CEP170B: variants seen among roughly 807,000 people sequenced by gnomAD.
CEP170B encodes the protein centrosomal protein of 170 kDa protein B.
Under a neutral mutation model 120.6 loss-of-function variants are expected in CEP170B, and 55 were observed. That is an observed-to-expected ratio of 0.46 (90% CI 0.37 to 0.57). The LOEUF (loss-of-function observed/expected upper bound fraction) is 0.57. Among genes scored for constraint, CEP170B ranks in the 20% least tolerant of loss-of-function variants. The pLI is 0.00. For missense variants in CEP170B, 2,212 were observed against 2,253.3 expected, an observed-to-expected ratio of 0.98 and a Z score of 0.37; for synonymous variants, 1,033 against 954.5, an observed-to-expected ratio of 1.08 and a Z score of -1.52.
rs753334052 is a variant in CEP170B at position 104,886,785 on chromosome 14, G to A, written c.2546G>A (p.Arg849Gln). 26 of 1,611,472 alleles carry A rather than the reference G, an allele frequency of 1.6e-5. No individual in the cohort carries two copies. The highest frequency in any genetic ancestry group is 1.6e-4 in the Middle Eastern group (1 of 6,080). Residue 849 changes from arginine (R) to glutamine (Q), a missense_variant, in exon 12 of 19, where the codon CGG becomes CAG. Arg to Gln is a conservative substitution (Grantham distance 43). Transcript: ENST00000414716. ...AATGGGAGAATGGTCATCCAGCTACGGCCTGGACGGTCCCCAGAACCCGAC... is the reference window on the plus strand; with the variant it reads ...AATGGGAGAATGGTCATCCAGCTACAGCCTGGACGGTCCCCAGAACCCGAC... ...SANGRMVIQL[R>Q]PGRSPEPDGP...
At position 104,868,583 on chromosome 14, in the gene CEP170B, G is replaced by C; in HGVS notation, c.105+28G>C. 20 of 1,538,086 alleles carry C rather than the reference G, an allele frequency of 1.3e-5. No individual in the cohort carries two copies. The highest frequency in any genetic ancestry group is 1.7e-5 in the Non-Finnish European group (19 of 1,139,542). On this transcript the variant is annotated intron_variant, in intron 2 of 18. Coordinates refer to ENST00000414716, the MANE Select transcript of CEP170B (RefSeq NM_001112726.3). This position sits in a 1 kb window ranked among gnomAD's most constrained non-coding sequence, Gnocchi z 5.9. ...TTGCAGGGAGCGCTTGGGGCCAGGA[G>C]GGTAGGGGGTAGACAGTCTGTCCCT...
At chr14:104,879,501 G>T (rs751452897) in intron 5 of CEP170B, among the ~76,000 whole-genome samples, 1 of 152,118 alleles carries the variant, frequency 6.6e-6, no homozygotes, top group Non-Finnish European at 1.5e-5. Context: ...GTTTATAAGG[G>T]TTTTACGCTG....
At position 104,876,267 on chromosome 14, in the gene CEP170B, G is replaced by C; in HGVS notation, c.117G>C (p.Val39=). The stretch of plus-strand genomic sequence containing the variant: ...GTGTGTCTCTCCAGTCCCGCAGCGT[G>C]GACAAGCAGCATGCCGTCATCAACT... The part of the protein sequence containing the change: ...ECELMLQSRS[V]DKQHAVINYD... Residue 39 remains valine (V), a synonymous_variant, in exon 3 of 19, where the codon GTG becomes GTC. Coordinates refer to ENST00000414716, the MANE Select transcript of CEP170B (RefSeq NM_001112726.3). 2.6e-6 allele frequency: 4 copies of C among 1,550,800 alleles called. No individual in the cohort carries two copies. Among genetic ancestry groups the C allele is most frequent in the Non-Finnish European group, 3.5e-6 (4 of 1,146,808 alleles).
rs961527365 is a variant in CEP170B at position 104,889,747 on chromosome 14, G to A, written c.3867G>A (p.Ala1289=). The part of the protein sequence containing the change: ...YGFIVQTAEI[A]EIARLSQTLV... ...TCATCGTGCAGACGGCAGAGATTGC[G>A]GAGATTGCCAGGTGAGTAGCCCATT... Residue 1289 remains alanine, a synonymous_variant, in exon 13 of 19, where the codon GCG becomes GCA. Coordinates refer to ENST00000414716, the MANE Select transcript of CEP170B (RefSeq NM_001112726.3). 15 of 1,602,530 alleles carry A rather than the reference G, an allele frequency of 9.4e-6. No homozygotes were observed. Among genetic ancestry groups the A allele is most frequent in the East Asian group, 6.8e-5 (3 of 44,442 alleles).
At position 104,887,726 on chromosome 14, in the gene CEP170B, A is replaced by C. The variant is rs1049051149; in HGVS notation, c.3487A>C (p.Lys1163Gln). ...CCGGCCAGCTGCTGAGCAGGCCAAG[A>C]AGCTGTCACGCCTGGACATCCTGGC... The part of the protein sequence containing the change: ...VGRPAAEQAK[K>Q]LSRLDILAMP... Residue 1163 changes from lysine (K) to glutamine (Q), a missense_variant, in exon 12 of 19, where the codon AAG (lysine) becomes CAG (glutamine). This residue lies in a region of CEP170B where 2,166 missense variants were observed against 2,166.7 expected (regional missense o/e 1.00). Coordinates refer to ENST00000414716, the MANE Select transcript of CEP170B (RefSeq NM_001112726.3). The C allele has an allele frequency of 6.3e-7, 1 of 1,586,542 alleles. No homozygotes were observed. The highest frequency in any genetic ancestry group is 8.6e-7 in the Non-Finnish European group (1 of 1,168,378).
rs780436776 is a variant in CEP170B at position 104,887,595 on chromosome 14, G to A, written c.3356G>A (p.Arg1119His). The A allele has an allele frequency of 1.8e-5, 28 of 1,585,072 alleles. No individual in the cohort carries two copies. Among genetic ancestry groups the A allele is most frequent in the African/African-American group, 9.4e-5 (7 of 74,372 alleles). ...LTRSNSLSTP[R>H]PTRASRLRRA... The stretch of plus-strand genomic sequence containing the variant: ...CGCTCCAACAGCCTGTCCACCCCTC[G>A]CCCCACACGGGCCTCCCGGCTGAGG... Residue 1119 changes from arginine to histidine, a missense_variant, in exon 12 of 19, where the codon CGC becomes CAC. By Grantham distance (29) the Arg-to-His change is conservative. Coordinates refer to ENST00000414716, the MANE Select transcript of CEP170B (RefSeq NM_001112726.3).
intron 5 of CEP170B, among the ~76,000 whole-genome samples, chr14:104,878,960 G>A (rs1420294559): frequency 1.3e-5 from 2 of 152,208 alleles, no homozygotes; most frequent in Non-Finnish European, 2.9e-5. Flanking sequence ...GCAGGAGAGT[G>A]CAGCGGGGCT....
rs747411967 is a variant in CEP170B at position 104,887,603 on chromosome 14, C to A, written c.3364C>A (p.Arg1122=). 2 of 1,582,210 alleles carry A rather than the reference C, an allele frequency of 1.3e-6. No individual in the cohort carries two copies. The highest frequency in any genetic ancestry group is 1.7e-6 in the Non-Finnish European group (2 of 1,165,658). The part of the protein sequence containing the change: ...SNSLSTPRPT[R]ASRLRRARLG... ...CAGCCTGTCCACCCCTCGCCCCACA[C>A]GGGCCTCCCGGCTGAGGCGGGCCCG... The change falls in exon 12 of 19, where the codon CGG becomes AGG. Residue 1122 remains arginine, a synonymous_variant. Transcript: ENST00000414716.
Position 104,891,673 on chromosome 14 carries a change from C to T in CEP170B, c.3879-1303C>T, listed in dbSNP as rs189535310. The stretch of plus-strand genomic sequence containing the variant: ...CACCTGGCTGAGAAGGGGGTGGGTG[C>T]TTCCAGGCCTGAGAGCAGAAGGGGA... On this transcript the variant is annotated intron_variant, in intron 13 of 18. Transcript: ENST00000414716. The surrounding 1 kb of genome is among the most constrained non-coding windows in gnomAD (Gnocchi z 4.3). Among the ~76,000 whole-genome samples the T allele has an allele frequency of 2.0e-3, 301 of 152,100 alleles. 1 individual carries two copies. The highest frequency in any genetic ancestry group is 7.0e-3 in the African/African-American group (292 of 41,472).
At chr14:104,880,657 C>T (rs987205810) in intron 6 of CEP170B, among the ~76,000 whole-genome samples, 1 of 151,884 alleles carries the variant, frequency 6.6e-6, no homozygotes, top group East Asian at 1.9e-4. Context: ...CCCGTGCATG[C>T]CTGCACCCCT....
chr14:104,877,973 C>A lies in CEP170B; in HGVS notation c.274+10C>A, dbSNP rs1332745684. The A allele has an allele frequency of 6.3e-7, 1 of 1,598,616 alleles. No individual in the cohort carries two copies. The highest frequency in any genetic ancestry group is 1.1e-5 in the South Asian group (1 of 88,744). ...ATCCGCTTCGGCTACGATATCCTGCCCCTGAGCGTCCCTCCTCCTGGGCTT... is the reference window on the plus strand; with the variant it reads ...ATCCGCTTCGGCTACGATATCCTGCACCTGAGCGTCCCTCCTCCTGGGCTT... On this transcript the variant is annotated intron_variant, in intron 4 of 18. Transcript: ENST00000414716.
chr14:104,886,645 G>A lies in CEP170B; in HGVS notation c.2406G>A (p.Gln802=). The A allele has an allele frequency of 6.5e-7, 1 of 1,529,746 alleles. No individual in the cohort carries two copies. The highest frequency in any genetic ancestry group is 8.8e-7 in the Non-Finnish European group (1 of 1,141,046). 94.8% of individuals were successfully genotyped at this position (1,529,746 alleles called of 1,614,324 possible). A position where few individuals can be genotyped will look rare whatever the true frequency, so the allele number is the denominator to read the frequency against. The change falls in exon 12 of 19, where the codon CAG becomes CAA. Residue 802 remains glutamine (Q), a synonymous_variant. Transcript: ENST00000414716. ...PTPASFFIGD[Q]NGDAVLSRKP... is the part of the protein sequence containing the mutation. ...CCGCCTCTTTCTTCATTGGGGACCA[G>A]AATGGGGACGCTGTGTTATCTAGGA... is the stretch of plus-strand genomic sequence containing the variant.
intron 5 of CEP170B, 44 bp downstream of exon 5, chr14:104,878,545 G>GC: frequency 6.3e-7 from 1 of 1,589,054 alleles, no homozygotes. Context: ...CGAGGGCTCA[G>GC]CCCCCCATCC....
Position 104,887,672 on chromosome 14 carries a change from G to A in CEP170B, c.3433G>A (p.Gly1145Arg). ...CACTGAGGCTGCGGATGGTGAGCGG[G>A]GGTCCCTGGGCAACCCTGAGCCCGT... ...SDTEAADGER[G>R]SLGNPEPVGR... The change falls in exon 12 of 19, where the codon GGG (glycine) becomes AGG (arginine). Residue 1145 changes from glycine (G) to arginine (R), a missense_variant. Physicochemically the swap from Gly to Arg is moderately radical, Grantham distance 125 (BLOSUM62 -2). Around this residue, in one of 2 missense-constraint regions of CEP170B, gnomAD observed 2,166 missense variants for 2,166.7 expected, o/e 1.00. Transcript: ENST00000414716. The A allele has an allele frequency of 6.4e-7, 1 of 1,573,620 alleles. No homozygotes were observed. The highest frequency in any genetic ancestry group is 8.6e-7 in the Non-Finnish European group (1 of 1,162,056).
At chr14:104,881,980 C>T (rs1896181201) in intron 6 of CEP170B, among the ~76,000 whole-genome samples, 3 of 152,086 alleles carry the variant, frequency 2.0e-5, no homozygotes, top group African/African-American at 7.2e-5. Context: ...GGGGCCATGA[C>T]GCAGAGGCCC....
In CEP170B at chr14:104,883,484, C is replaced by G; in HGVS notation, c.1027C>G (p.Pro343Ala). The G allele has an allele frequency of 6.4e-7, 1 of 1,551,262 alleles. No individual in the cohort carries two copies. Among genetic ancestry groups the G allele is most frequent in the Non-Finnish European group, 8.7e-7 (1 of 1,147,436 alleles). Residue 343 changes from proline (P) to alanine (A), a missense_variant, in exon 8 of 19, where the codon CCT becomes GCT. By Grantham distance (27) the Pro-to-Ala change is conservative (BLOSUM62 -1). Coordinates refer to ENST00000414716, the MANE Select transcript of CEP170B (RefSeq NM_001112726.3). The stretch of plus-strand genomic sequence containing the variant: ...CCGCCACAGCACCAAGAGCGACCTG[C>G]CTGTCCACACCCGCACCCTGAAGGG... ...DDRHSTKSDL[P>A]VHTRTLKGHK...
chr14:104,878,343 C>A, intron 4 of CEP170B, 100 bp from the exon 5 acceptor site: 2 of 1,238,638 alleles, frequency 1.6e-6, no homozygotes, highest in South Asian at 1.3e-5. Flanking sequence ...CCTCTGCCTG[C>A]CTCGATGGGC....
rs1203581674 is a variant in CEP170B, at chr14:104,872,333, GGTGTGCGTGT to G, written c.105+3795_105+3804del. The stretch of plus-strand genomic sequence containing the variant: ...TGCGTGTGTGCCGTGGGTGTGCGTG[GGTGTGCGTGT>G]GTGTGCGTGTGTGTGCCGCGTGTGT... On this transcript the variant is annotated intron_variant, in intron 2 of 18. Transcript: ENST00000414716. Among the ~76,000 whole-genome samples the G allele has an allele frequency of 0.011, 871 of 80,800 alleles. 127 individuals are homozygous for G. The East Asian group carries it at 0.16, about 14-fold the overall frequency. 53.0% of individuals were successfully genotyped at this position (80,800 alleles called of 152,430 possible).
chr14:104,884,343 G>T lies in CEP170B; in HGVS notation c.1564G>T (p.Val522Phe), dbSNP rs1017278315. The T allele has an allele frequency of 2.1e-5, 33 of 1,544,536 alleles. No homozygotes were observed. The highest frequency in any genetic ancestry group is 1.1e-4 in the South Asian group (9 of 83,756). ...GGCCGCCCGGCCCAGCCCCGAGAAG[G>T]TTCCTCCGGTGCTGCCCGCTCCCCT... The part of the protein sequence containing the change: ...SPAARPSPEK[V>F]PPVLPAPLTP... The change falls in exon 9 of 19, where the codon GTT becomes TTT. Residue 522 changes from valine (V) to phenylalanine (F), a missense_variant. Physicochemically the swap from Val to Phe is conservative, Grantham distance 50. Coordinates refer to ENST00000414716, the MANE Select transcript of CEP170B (RefSeq NM_001112726.3).
Sources: gnomAD v4.1 joint callset for allele counts (sites outside exome capture counted in the v4.1 genomes callset) on GRCh38, gnomAD v4.1.1 for gene constraint, gnomAD v4.1.1 regional missense constraint, Gnocchi (gnomAD v3.1) non-coding constraint, MANE v1.5 for transcripts, NCBI Gene and HGNC (gene_info 2026-07-23, HGNC 2026-07-21) for gene names.